Variants in MSI2 observed in about 807,000 individuals in gnomAD.
The protein encoded by MSI2 is RNA-binding protein Musashi homolog 2.
A neutral mutation model predicts 45.6 loss-of-function variants in MSI2; 17 were observed. That is an observed-to-expected ratio of 0.37 (90% CI 0.26 to 0.56). The LOEUF is 0.56. Ranked by LOEUF, MSI2 falls within the 20% of genes least tolerant of loss-of-function variation. MSI2 has a pLI of 0.77. For missense variants in MSI2, 293 were observed against 444.2 expected, an observed-to-expected ratio of 0.66 and a Z score of 3.06; for synonymous variants, 156 against 158.2, an observed-to-expected ratio of 0.99 and a Z score of 0.11.
intron 8 of MSI2, chr17:57,601,653 G>A (rs1598438310): frequency 6.6e-6 from 1 of 152,250 alleles, no homozygotes; most frequent in Non-Finnish European, 1.5e-5. Context: ...AGCTTGAAAT[G>A]ATGTTGGGGA....
intron 10 of MSI2, among the ~76,000 whole-genome samples, chr17:57,644,819 CT>C (rs1162642047): frequency 6.6e-6 from 1 of 152,050 alleles, no homozygotes; most frequent in African/African-American, 2.4e-5. Context: ...AAAGATTCCC[CT>C]TAATCACACC....
chr17:57,675,558 C>A (rs1913167984), intron 12 of MSI2, among the ~76,000 whole-genome samples: 2 of 152,200 alleles, frequency 1.3e-5, no homozygotes, highest in African/African-American at 4.8e-5. Flanking sequence ...GCTTTCTGGA[C>A]ACTGTCATGT....
At chr17:57,425,026 G>A (rs2084465739) in intron 6 of MSI2, among the ~76,000 whole-genome samples, 1 of 152,154 alleles carries the variant, frequency 6.6e-6, no homozygotes. Flanking sequence ...TGCAGGAGGT[G>A]GGGCAGGACT....
At chr17:57,309,558 G>T (rs1404396790) in intron 5 of MSI2, among the ~76,000 whole-genome samples, 1 of 152,164 alleles carries the variant, frequency 6.6e-6, no homozygotes, top group African/African-American at 2.4e-5. Flanking sequence ...ATATTGTGTA[G>T]GTGTATAATG....
intron 7 of MSI2, among the ~76,000 whole-genome samples, chr17:57,531,302 A>G (rs750998248): frequency 5.3e-5 from 8 of 152,072 alleles, no homozygotes; most frequent in Non-Finnish European, 1.2e-4. Context: ...TAATCATAGA[A>G]CCTCCTCACA....
chr17:57,575,100 A>G (rs1819856), intron 7 of MSI2, among the ~76,000 whole-genome samples: 3,881 of 151,450 alleles, frequency 0.026, 68 homozygotes, highest in Middle Eastern at 0.068. Context: ...AAAGTGCTGG[A>G]ATTACAGGCG....
intron 5 of MSI2, among the ~76,000 whole-genome samples, chr17:57,315,622 G>C (rs1453352800): frequency 6.6e-6 from 1 of 152,090 alleles, no homozygotes. Flanking sequence ...AAAGCCCACT[G>C]GTGGTAAAGG....
At chr17:57,365,089 G>T (rs577481816) in intron 5 of MSI2, 12 of 152,042 alleles carry the variant, frequency 7.9e-5, no homozygotes, top group African/African-American at 2.7e-4. Flanking sequence ...CTTTTATTTC[G>T]TAAGAAAATA....
intron 6 of MSI2, among the ~76,000 whole-genome samples, chr17:57,431,235 C>A (rs1031148344): frequency 6.6e-6 from 1 of 152,208 alleles, no homozygotes; most frequent in Non-Finnish European, 1.5e-5. Flanking sequence ...TCGGCCCTCT[C>A]TCCTCCCCTG....
At chr17:57,584,963 A>T (rs2088306481) in intron 7 of MSI2, among the ~76,000 whole-genome samples, 1 of 151,956 alleles carries the variant, frequency 6.6e-6, no homozygotes, top group Non-Finnish European at 1.5e-5. Flanking sequence ...GATTACAGTC[A>T]TGCGCCACCA....
At chr17:57,398,254 G>A (rs1367140833) in intron 5 of MSI2, among the ~76,000 whole-genome samples, 2 of 152,200 alleles carry the variant, frequency 1.3e-5, no homozygotes, top group Non-Finnish European at 2.9e-5. Flanking sequence ...CAGGGCTGCT[G>A]TATACCCGCC....
intron 10 of MSI2, among the ~76,000 whole-genome samples, chr17:57,640,243 G>A (rs1181726398): frequency 6.6e-6 from 1 of 152,208 alleles, no homozygotes; most frequent in Non-Finnish European, 1.5e-5. Context: ...GGCCACCCCA[G>A]CTGCTTCTCC....
rs556066042 is a variant in MSI2 at position 57,485,760 on chromosome 17, G to C, written c.406-43916G>C. ...TTCCTTGGAATGTGCTTTGAGAAAA[G>C]TTGCCATAAAGACTATGAGTGTCAA... On this transcript the variant is annotated intron_variant, in intron 6 of 13. Coordinates refer to ENST00000284073, the MANE Select transcript of MSI2 (RefSeq NM_138962.4). Among the ~76,000 whole-genome samples the C allele has an allele frequency of 2.4e-4, 36 of 152,316 alleles. No homozygotes were observed. In the South Asian group the frequency reaches 7.5e-3, roughly 32 times the overall value.
intron 7 of MSI2, among the ~76,000 whole-genome samples, chr17:57,571,062 G>A (rs575176243): frequency 4.6e-5 from 7 of 152,204 alleles, no homozygotes; most frequent in African/African-American, 1.4e-4. Flanking sequence ...ATAATTGGCC[G>A]CCTTGTTGAT....
intron 7 of MSI2, among the ~76,000 whole-genome samples, chr17:57,543,076 T>C (rs566848537): frequency 6.6e-6 from 1 of 152,298 alleles, no homozygotes; most frequent in East Asian, 1.9e-4. Flanking sequence ...GAATGGTTCC[T>C]ACTCAATGCT....
chr17:57,549,472 T>C (rs546098138), intron 7 of MSI2, among the ~76,000 whole-genome samples: 81 of 152,326 alleles, frequency 5.3e-4, no homozygotes, highest in African/African-American at 1.9e-3. Flanking sequence ...GTTGTTGTGA[T>C]AGCTCTTTGC....
chr17:57,458,728 A>T (rs2085165264), intron 6 of MSI2, among the ~76,000 whole-genome samples: 1 of 152,162 alleles, frequency 6.6e-6, no homozygotes, highest in Non-Finnish European at 1.5e-5. Context: ...TCCAGAAAAT[A>T]ATTGCCCTCT....
intron 11 of MSI2, among the ~76,000 whole-genome samples, chr17:57,665,300 T>C (rs1206781066): frequency 6.6e-6 from 1 of 152,204 alleles, no homozygotes; most frequent in African/African-American, 2.4e-5. Flanking sequence ...CTGCAGCAAC[T>C]GTAAACAGAG....
intron 5 of MSI2, among the ~76,000 whole-genome samples, chr17:57,272,033 G>T (rs1158153966): frequency 6.6e-6 from 1 of 152,168 alleles, no homozygotes; most frequent in African/African-American, 2.4e-5. Flanking sequence ...CATTAATGAG[G>T]TGACCGCTCT....
Sources: gnomAD v4.1 joint callset for allele counts (sites outside exome capture counted in the v4.1 genomes callset) on GRCh38, gnomAD v4.1.1 for gene constraint, MANE v1.5 for transcripts, NCBI Gene and HGNC (gene_info 2026-07-23, HGNC 2026-07-21) for gene names.